CDH11: variants seen among roughly 807,000 people sequenced by gnomAD.
The protein encoded by CDH11 is cadherin-11.
A neutral mutation model predicts 67.8 loss-of-function variants in CDH11; 11 were observed. That is an observed-to-expected ratio of 0.16 (90% confidence interval 0.10 to 0.27). CDH11 has a LOEUF of 0.27. Among genes scored for constraint, CDH11 ranks in the 10% least tolerant of loss-of-function variants. The pLI, the probability that CDH11 is intolerant of heterozygous loss-of-function variation, is 1.00. For synonymous variants in CDH11, 419 were observed against 400.0 expected (o/e 1.05, Z -0.57); for missense variants, 847 against 1,031.2 (o/e 0.82, Z 2.45).
intron 1 of CDH11, among the ~76,000 whole-genome samples, chr16:65,114,035 G>T (rs1407824133): frequency 2.0e-5 from 3 of 152,084 alleles, no homozygotes; most frequent in Admixed American, 2.0e-4. Flanking sequence ...GGGTCAAAAC[G>T]TAACTACTGG....
intron 11 of CDH11, among the ~76,000 whole-genome samples, chr16:64,957,031 C>G (rs1746833188): frequency 6.6e-6 from 1 of 152,062 alleles, no homozygotes; most frequent in South Asian, 2.1e-4. Flanking sequence ...AATATATGGA[C>G]CAGCTCCTGC....
At chr16:65,034,208 G>C (rs2073705752) in intron 2 of CDH11, among the ~76,000 whole-genome samples, 1 of 152,154 alleles carries the variant, frequency 6.6e-6, no homozygotes. Flanking sequence ...AGGAATGCCT[G>C]AGTTACCAGA....
chr16:65,057,774 G>T (rs2074171019), intron 1 of CDH11, among the ~76,000 whole-genome samples: 1 of 152,200 alleles, frequency 6.6e-6, no homozygotes, highest in South Asian at 2.1e-4. Flanking sequence ...AGGCTGAATG[G>T]CATATGCCCA....
intron 2 of CDH11, among the ~76,000 whole-genome samples, chr16:65,031,575 G>A (rs1567538343): frequency 6.6e-6 from 1 of 152,106 alleles, no homozygotes; most frequent in East Asian, 1.9e-4. Flanking sequence ...GGAACAGCAG[G>A]AGCAAATATT....
At chr16:65,119,263 T>C (rs894017955) in intron 1 of CDH11, 1 of 152,258 alleles carries the variant, frequency 6.6e-6, no homozygotes, top group Non-Finnish European at 1.5e-5. Context: ...GCTCTCCAAG[T>C]CTGTCCCCTG....
chr16:64,971,766 G>C (rs993816513), intron 10 of CDH11, 70 bp from the exon 11 acceptor site: 2 of 1,423,646 alleles, frequency 1.4e-6, no homozygotes, highest in Non-Finnish European at 2.0e-6. Context: ...AAAATTTCTG[G>C]CTGGCTAGAA....
At chr16:64,958,058 C>T (rs1358345705) in intron 11 of CDH11, among the ~76,000 whole-genome samples, 3 of 152,188 alleles carry the variant, frequency 2.0e-5, no homozygotes, top group African/African-American at 2.4e-5. Context: ...CACATTACTG[C>T]ATAGTTTGTA....
In CDH11 at chr16:65,121,157, T is replaced by C. The variant is rs2075322396; in HGVS notation, c.-298+723A>G. 6.6e-6 allele frequency among the ~76,000 whole-genome samples: 1 copy of C among 152,124 alleles called. No individual in the cohort carries two copies. The highest frequency in any genetic ancestry group is 1.5e-5 in the Non-Finnish European group (1 of 68,016). On this transcript the variant is annotated intron_variant, in intron 1 of 12. Coordinates refer to ENST00000268603, the MANE Select transcript of CDH11 (RefSeq NM_001797.4). This position sits in a 1 kb window ranked among gnomAD's most constrained non-coding sequence, Gnocchi z 4.1. ...AGAGGCGAGCCCGAGTCTGGGCCGC[T>C]CATGGACCTACTCCTGCGCTGGTGG...
Position 65,121,005 on chromosome 16 carries a change from AGG to A in CDH11, c.-298+873_-298+874del, listed in dbSNP as rs2075318758. On this transcript the variant is annotated intron_variant, in intron 1 of 12. Coordinates refer to ENST00000268603, the MANE Select transcript of CDH11 (RefSeq NM_001797.4). This position sits in a 1 kb window ranked among gnomAD's most constrained non-coding sequence, Gnocchi z 4.1. ...CGGCTCGCGTTCCGGGGCAGAGCGC[AGG>A]GAGGGAGGCCGTGCGTGCCGGGAGC... Among the ~76,000 whole-genome samples, 2 of 152,164 alleles carry A rather than the reference AGG, an allele frequency of 1.3e-5. No individual in the cohort carries two copies. Among genetic ancestry groups the A allele is most frequent in the Non-Finnish European group, 2.9e-5 (2 of 68,018 alleles).
intron 2 of CDH11, among the ~76,000 whole-genome samples, chr16:65,018,395 A>AT (rs1178405338): frequency 1.3e-5 from 2 of 152,148 alleles, no homozygotes; most frequent in Non-Finnish European, 2.9e-5. Flanking sequence ...AGTTTCTTCA[A>AT]TTTTGTCTGG....
At chr16:65,015,980 T>C (rs890216771) in intron 2 of CDH11, among the ~76,000 whole-genome samples, 1 of 152,150 alleles carries the variant, frequency 6.6e-6, no homozygotes, top group Non-Finnish European at 1.5e-5. Context: ...AATCAGAGTA[T>C]GTGGATGGAA....
At chr16:65,059,889 A>C (rs1420346862) in intron 1 of CDH11, among the ~76,000 whole-genome samples, 1 of 152,224 alleles carries the variant, frequency 6.6e-6, no homozygotes, top group Admixed American at 6.5e-5. Flanking sequence ...ATGAATAAAC[A>C]AACAGTCATC....
intron 1 of CDH11, among the ~76,000 whole-genome samples, chr16:65,117,482 C>T (rs145430392): frequency 1.3e-5 from 2 of 152,142 alleles, no homozygotes; most frequent in East Asian, 3.9e-4. Context: ...ATTTCCATAT[C>T]GCTGAGAAGA....
rs1225835413 is a variant in CDH11 at position 64,946,451 on chromosome 16, T to C, written c.*1152A>G. The C allele has an allele frequency of 1.4e-5, 14 of 1,032,920 alleles. No individual in the cohort carries two copies. Among genetic ancestry groups the C allele is most frequent in the East Asian group, 6.1e-5 (1 of 16,470 alleles). The allele number at this position is 1,032,920 out of a possible 1,614,324, so 64.0% of individuals were successfully genotyped here. A position where few individuals can be genotyped will look rare whatever the true frequency, so the allele number is the denominator to read the frequency against. On this transcript the variant is annotated 3_prime_UTR_variant, in exon 13 of 13. Coordinates refer to ENST00000268603, the MANE Select transcript of CDH11 (RefSeq NM_001797.4). The stretch of plus-strand genomic sequence containing the variant: ...TCTCATAACCATCAAATTACTGATA[T>C]ACAAGATAAATGCATACTATATAAC...
chr16:64,986,180 T>C (rs574210434), intron 7 of CDH11: 1 of 152,318 alleles, frequency 6.6e-6, no homozygotes, highest in East Asian at 1.9e-4. Flanking sequence ...AATTCATCTA[T>C]AATTTTTCTT....
intron 1 of CDH11, among the ~76,000 whole-genome samples, chr16:65,101,749 A>AT (rs534903539): frequency 3.9e-4 from 60 of 152,216 alleles, no homozygotes; most frequent in African/African-American, 1.4e-3. Context: ...ACTAAAAATT[A>AT]TTTTTTTCAC....
In CDH11 at chr16:65,053,860, A is replaced by T; in HGVS notation, c.-229T>A. On this transcript the variant is annotated 5_prime_UTR_variant, in exon 2 of 13. Transcript: ENST00000268603. Reference sequence around the variant, plus strand: ...TTCTGTAACACACTCCACCCATCTGATTGGTCACTCAACAAATGACAACAC... The same window carrying T: ...TTCTGTAACACACTCCACCCATCTGTTTGGTCACTCAACAAATGACAACAC... The T allele has an allele frequency of 2.2e-6, 1 of 456,024 alleles. No homozygotes were observed. The highest frequency in any genetic ancestry group is 4.4e-6 in the Non-Finnish European group (1 of 226,772). The allele number at this position is 456,024 out of a possible 1,614,324, so 28.2% of individuals were successfully genotyped here.
chr16:64,978,511 C>T (rs903277898), intron 8 of CDH11, among the ~76,000 whole-genome samples: 3 of 152,144 alleles, frequency 2.0e-5, no homozygotes, highest in Non-Finnish European at 4.4e-5. Context: ...ATGAAGAACT[C>T]ACAGTTCCTG....
In CDH11 at chr16:65,121,939, G is replaced by T. The variant is rs2075339475; in HGVS notation, c.-357C>A. On this transcript the variant is annotated 5_prime_UTR_variant, in exon 1 of 13. Coordinates refer to ENST00000268603, the MANE Select transcript of CDH11 (RefSeq NM_001797.4). This position sits in a 1 kb window ranked among gnomAD's most constrained non-coding sequence, Gnocchi z 4.1. Reference sequence around the variant, plus strand: ...CGCCAGTCCCTGGCGCAGGGCAAGCGCTGCGGTGTCAGTCCCGGCCCCAGT... The same window carrying T: ...CGCCAGTCCCTGGCGCAGGGCAAGCTCTGCGGTGTCAGTCCCGGCCCCAGT... 1.4e-6 allele frequency: 1 copy of T among 701,876 alleles called. No homozygotes were observed. Among genetic ancestry groups the T allele is most frequent in the African/African-American group, 1.7e-5 (1 of 57,336 alleles). The allele number at this position is 701,876 out of a possible 1,614,324, so 43.5% of individuals were successfully genotyped here.
Sources: allele counts gnomAD v4.1 joint callset (sites outside exome capture counted in the v4.1 genomes callset), GRCh38; gene constraint gnomAD v4.1.1; non-coding constraint Gnocchi (gnomAD v3.1); transcripts MANE v1.5; gene names NCBI Gene and HGNC (gene_info 2026-07-23, HGNC 2026-07-21).